The following CFAP44 variants were observed in gnomAD, a reference collection of about 807,000 sequenced individuals.
CFAP44 encodes cilia and flagella associated protein 44.
Under a neutral mutation model 216.2 loss-of-function variants are expected in CFAP44, and 134 were observed. That is an observed-to-expected ratio of 0.62 (90% CI 0.54 to 0.72). The LOEUF (loss-of-function observed/expected upper bound fraction) is 0.72, where lower values mean the gene tolerates loss of function less well. Ranked by LOEUF, CFAP44 falls within the 30% of genes least tolerant of loss-of-function variation. The pLI, the probability that CFAP44 is intolerant of heterozygous loss-of-function variation, is 0.00. For synonymous variants in CFAP44, 700 were observed against 727.6 expected (o/e 0.96, Z 0.61); for missense variants, 2,035 against 2,182.1 (o/e 0.93, Z 1.34).
At chr3:113,303,727 A>T (rs1949959808) in intron 32 of CFAP44, among the ~76,000 whole-genome samples, 189 bp downstream of exon 32, 1 of 152,212 alleles carries the variant, frequency 6.6e-6, no homozygotes, top group Admixed American at 6.5e-5. Flanking sequence ...TCTCCCTTTA[A>T]AACAGGAAAG....
intron 33 of CFAP44, among the ~76,000 whole-genome samples, chr3:113,296,009 C>T (rs1162707984): frequency 6.6e-6 from 1 of 152,184 alleles, no homozygotes; most frequent in Non-Finnish European, 1.5e-5. Flanking sequence ...CACCAGATAG[C>T]AAACGTTGTA....
chr3:113,437,998 T>C (rs1359790346), intron 1 of CFAP44, among the ~76,000 whole-genome samples: 1 of 152,162 alleles, frequency 6.6e-6, no homozygotes, highest in Non-Finnish European at 1.5e-5. Flanking sequence ...ATGAGATCTT[T>C]TATATACAGA....
At chr3:113,379,669 T>C in intron 16 of CFAP44, 118 bp from the exon 17 acceptor site, 1 of 681,884 alleles carries the variant, frequency 1.5e-6, no homozygotes, top group Non-Finnish European at 2.2e-6. Context: ...CAAATAATAT[T>C]TAAAAATACT....
chr3:113,335,917 G>A (rs1047604523), intron 24 of CFAP44, among the ~76,000 whole-genome samples: 1 of 151,970 alleles, frequency 6.6e-6, no homozygotes, highest in African/African-American at 2.4e-5. Context: ...AACTAAATTA[G>A]AAATTTAATA....
At chr3:113,360,157 C>T (rs1009986477) in intron 21 of CFAP44, 1 of 151,588 alleles carries the variant, frequency 6.6e-6, no homozygotes, top group African/African-American at 2.4e-5. Flanking sequence ...GCTTCCAAAC[C>T]AAGCAGTGTG....
In CFAP44 at chr3:113,324,540, C is replaced by T. The variant is rs979149792; in HGVS notation, c.4516+1905G>A. Among the ~76,000 whole-genome samples the T allele has an allele frequency of 1.5e-4, 23 of 152,166 alleles. 1 individual carries two copies. The highest frequency in any genetic ancestry group is 5.5e-4 in the African/African-American group (23 of 41,468). On this transcript the variant is annotated intron_variant, in intron 28 of 34. Transcript: ENST00000393845. The stretch of plus-strand genomic sequence containing the variant: ...ATGATCATGAATCAATGTAGACAGG[C>T]ATCTGACAAATTTTCACCCCCATTC...
intron 16 of CFAP44, 125 bp from the exon 17 acceptor site, chr3:113,379,676 TACTC>T (rs1356064743): frequency 4.6e-6 from 3 of 653,858 alleles, no homozygotes; most frequent in Non-Finnish European, 6.8e-6. Flanking sequence ...TATTTAAAAA[TACTC>T]ACCAATGCGA....
chr3:113,402,149 T>C lies in CFAP44; in HGVS notation c.1171-410A>G, dbSNP rs1428378164. Among the ~76,000 whole-genome samples the C allele has an allele frequency of 1.6e-4, 24 of 152,244 alleles. 1 individual carries two copies. Among genetic ancestry groups the C allele is most frequent in the Admixed American group, 1.6e-3 (24 of 15,290 alleles). On this transcript the variant is annotated intron_variant, in intron 9 of 34. Coordinates refer to ENST00000393845, the MANE Select transcript of CFAP44 (RefSeq NM_001164496.2). The stretch of plus-strand genomic sequence containing the variant: ...AGCAGGCCCCTGGAAGGGGGAAATA[T>C]ACCTTCTTGCTTAATGACTCAAGCA...
intron 28 of CFAP44, among the ~76,000 whole-genome samples, chr3:113,313,983 TGAACAA>T: frequency 6.6e-6 from 1 of 152,110 alleles, no homozygotes; most frequent in South Asian, 2.1e-4. Context: ...ATGTAAAGAC[TGAACAA>T]TAGACATCAT....
chr3:113,324,708 A>T (rs1008520500), intron 28 of CFAP44, among the ~76,000 whole-genome samples: 13 of 152,230 alleles, frequency 8.5e-5, no homozygotes, highest in African/African-American at 2.9e-4. Context: ...ATAGTACTGG[A>T]TGTTCTAGCC....
chr3:113,417,682 T>C (rs1934686527), intron 5 of CFAP44, among the ~76,000 whole-genome samples: 1 of 152,182 alleles, frequency 6.6e-6, no homozygotes, highest in African/African-American at 2.4e-5. Context: ...ATACCATTAT[T>C]ATCTCCATCT....
intron 25 of CFAP44, 62 bp from the exon 26 acceptor site, chr3:113,330,730 A>G: frequency 1.4e-6 from 2 of 1,456,332 alleles, no homozygotes; most frequent in South Asian, 2.9e-5. Flanking sequence ...TGTATGGAAT[A>G]TGATCTGCTC....
intron 28 of CFAP44, among the ~76,000 whole-genome samples, chr3:113,310,998 A>G (rs1950032463): frequency 6.6e-6 from 1 of 152,194 alleles, no homozygotes; most frequent in Admixed American, 6.5e-5. Flanking sequence ...TAACTTACCC[A>G]ATATCAGGTA....
rs781402539 is a variant in CFAP44, at chr3:113,381,068, A to G, written c.1891-8T>C. 9 of 1,544,962 alleles carry G rather than the reference A, an allele frequency of 5.8e-6. No homozygotes were observed. Among genetic ancestry groups the G allele is most frequent in the South Asian group, 1.3e-5 (1 of 76,752 alleles). ...TAGTAAAGTACTTTCAGGCTAAAAA[A>G]GAAAAATTGAACATATTTACATTTA... On this transcript the variant is annotated splice_polypyrimidine_tract_variant and splice_region_variant and intron_variant, in intron 15 of 34. Transcript: ENST00000393845.
rs764184840 is a variant in CFAP44, at chr3:113,427,391, T to C, written c.101-52A>G. The C allele has an allele frequency of 2.8e-6, 4 of 1,415,598 alleles. No individual in the cohort carries two copies. In the Admixed American group the frequency reaches 6.8e-5, roughly 24 times the overall value. The allele number at this position is 1,415,598 out of a possible 1,614,324, so 87.7% of individuals were successfully genotyped here. A position where few individuals can be genotyped will look rare whatever the true frequency, so the allele number is the denominator to read the frequency against. On this transcript the variant is annotated intron_variant, in intron 2 of 34. Transcript: ENST00000393845. ...TAAATTTTGATTAAACATTTTCTTA[T>C]TTCTAAAGTAGCTAAAACTTCCAAT...
chr3:113,411,415 T>C (rs1490283229), intron 6 of CFAP44, among the ~76,000 whole-genome samples: 1 of 152,196 alleles, frequency 6.6e-6, no homozygotes, highest in Non-Finnish European at 1.5e-5. Context: ...CCTTTCCCCA[T>C]TTCTTGTTTT....
In CFAP44 at chr3:113,330,163, C is replaced by T. The variant is rs1950228155; in HGVS notation, c.4116+5G>A. 2 of 1,525,922 alleles carry T rather than the reference C, an allele frequency of 1.3e-6. No individual in the cohort carries two copies. Among genetic ancestry groups the T allele is most frequent in the Non-Finnish European group, 1.8e-6 (2 of 1,140,168 alleles). 94.5% of individuals were successfully genotyped at this position (1,525,922 alleles called of 1,614,324 possible). On this transcript the variant is annotated splice_donor_5th_base_variant and intron_variant, in intron 26 of 34. Coordinates refer to ENST00000393845, the MANE Select transcript of CFAP44 (RefSeq NM_001164496.2). ...GCTTTAACTAGGAACAGGTTCACCC[C>T]TTACCCTGTTGACCAAATACTGTTG... is the stretch of plus-strand genomic sequence containing the variant.
intron 24 of CFAP44, among the ~76,000 whole-genome samples, chr3:113,334,002 G>T (rs1354145463): frequency 6.6e-6 from 1 of 151,244 alleles, no homozygotes; most frequent in Non-Finnish European, 1.5e-5. Flanking sequence ...TGCCTGGCTG[G>T]AGTGAATTGT....
intron 17 of CFAP44, among the ~76,000 whole-genome samples, chr3:113,376,879 C>A (rs2107331901): frequency 6.6e-6 from 1 of 152,264 alleles, no homozygotes; most frequent in Non-Finnish European, 1.5e-5. Flanking sequence ...AAGACAGAAA[C>A]TGATGATACA....
Sources: gnomAD v4.1 joint callset for allele counts (sites outside exome capture counted in the v4.1 genomes callset) on GRCh38, gnomAD v4.1.1 for gene constraint, MANE v1.5 for transcripts, NCBI Gene and HGNC (gene_info 2026-07-23, HGNC 2026-07-21) for gene names.